The following WDR62 variants were observed in gnomAD, a reference collection of about 807,000 sequenced individuals.
WDR62 encodes the protein WD repeat-containing protein 62.
In WDR62, 112 loss-of-function variants were observed where a neutral mutation model predicts 160.6. The ratio of observed to expected loss-of-function variants is 0.70; its 90% CI spans 0.60 to 0.82. The LOEUF (loss-of-function observed/expected upper bound fraction) is 0.82, where lower values mean the gene tolerates loss of function less well. WDR62 is among the 40% of genes least tolerant of loss of function. The pLI, the probability that WDR62 is intolerant of heterozygous loss-of-function variation, is 0.00. For missense variants in WDR62, 1,819 were observed against 1,983.8 expected (o/e 0.92, Z 1.58); for synonymous variants, 792 against 815.1 (o/e 0.97, Z 0.48).
chr19:36,101,793 C>T lies in WDR62; in HGVS notation c.3082+19C>T, dbSNP rs755292612. 4 of 1,544,488 alleles carry T rather than the reference C, an allele frequency of 2.6e-6. No individual in the cohort carries two copies. The highest frequency in any genetic ancestry group is 2.4e-5 in the East Asian group (1 of 40,898). ...TTCCCAGGTAAGCAGGGGCCAGACACGCAGGGGACTCGCTGCTCGGGCCTG... is the reference window on the plus strand; with the variant it reads ...TTCCCAGGTAAGCAGGGGCCAGACATGCAGGGGACTCGCTGCTCGGGCCTG... On this transcript the variant is annotated intron_variant, in intron 25 of 31. Coordinates refer to ENST00000401500, the MANE Select transcript of WDR62 (RefSeq NM_001083961.2).
the WDR62 span, among the ~76,000 whole-genome samples, chr19:36,110,874 T>TC: frequency 6.6e-6 from 1 of 152,022 alleles, no homozygotes; most frequent in Admixed American, 6.6e-5. Flanking sequence ...TGGGAGACAG[T>TC]CCCCCTGGGG....
intron 22 of WDR62, 141 bp from the exon 23 acceptor site, chr19:36,100,607 A>G: frequency 1.6e-6 from 2 of 1,280,286 alleles, no homozygotes; most frequent in Admixed American, 1.7e-5. Flanking sequence ...GCAGACCAGG[A>G]CAAGCTGGTT....
chr19:36,101,437 T>A, intron 24 of WDR62, 120 bp downstream of exon 24: 1 of 975,040 alleles, frequency 1.0e-6, no homozygotes, highest in South Asian at 1.4e-5. Context: ...GGAAGACACA[T>A]GTGGTCCCTG....
chr19:36,068,755 C>A (rs567140835), intron 7 of WDR62, among the ~76,000 whole-genome samples: 2 of 152,352 alleles, frequency 1.3e-5, no homozygotes, highest in Non-Finnish European at 2.9e-5. Context: ...ATGTCTACTT[C>A]TTTCTACACA....
At chr19:36,095,518 G>A (rs1221402494) in intron 20 of WDR62, among the ~76,000 whole-genome samples, 1 of 152,228 alleles carries the variant, frequency 6.6e-6, no homozygotes, top group East Asian at 1.9e-4. Context: ...TTGAGGCCGG[G>A]TGTGGTAGCT....
In WDR62 at chr19:36,060,050, C is replaced by T. The variant is rs749964350; in HGVS notation, c.332+20C>T. The T allele has an allele frequency of 5.0e-6, 8 of 1,613,876 alleles. No individual in the cohort carries two copies. Among genetic ancestry groups the T allele is most frequent in the African/African-American group, 4.0e-5 (3 of 74,926 alleles). On this transcript the variant is annotated intron_variant, in intron 3 of 31. Transcript: ENST00000401500. ...CGCCAGGTAGGCTGAGGCCTGGGCC[C>T]GGGGCAGGGGTGGAACCAGGGGCTT...
rs1250064295 is a variant in WDR62, at chr19:36,067,407, G to T, written c.663G>T (p.Val221=). Residue 221 remains valine (V), a synonymous_variant, in exon 6 of 32, where the codon GTG becomes GTT. Coordinates refer to ENST00000401500, the MANE Select transcript of WDR62 (RefSeq NM_001083961.2). ...TTGTCACTGTTGGGAACCGCCATGT[G>T]AGGTTCTGGTTCTTGGAAGTCTCCA... ...SYFVTVGNRH[V]RFWFLEVSTE... The T allele has an allele frequency of 1.9e-6, 3 of 1,614,132 alleles. No individual in the cohort carries two copies. The African/African-American group carries it at 4.0e-5, about 22-fold the overall frequency.
chr19:36,094,375 G>A (rs2145809509), intron 20 of WDR62, among the ~76,000 whole-genome samples: 1 of 152,048 alleles, frequency 6.6e-6, no homozygotes, highest in East Asian at 1.9e-4. Context: ...CCAATATGGT[G>A]AAACCCCGTC....
rs546447420 is a variant in WDR62, at chr19:36,096,865, A to G, written c.2468-162A>G. ...CCTCGGTCAGTCTCGTGAGTCAAATATCGCATCCCACGGTTTAAGTTTGCA... is the reference window on the plus strand; with the variant it reads ...CCTCGGTCAGTCTCGTGAGTCAAATGTCGCATCCCACGGTTTAAGTTTGCA... On this transcript the variant is annotated intron_variant, in intron 20 of 31. Coordinates refer to ENST00000401500, the MANE Select transcript of WDR62 (RefSeq NM_001083961.2). Among the ~76,000 whole-genome samples the G allele has an allele frequency of 3.9e-5, 6 of 152,346 alleles. No individual in the cohort carries two copies. In the South Asian group the frequency reaches 1.2e-3, roughly 32 times the overall value.
rs762312696 is a variant in WDR62 at position 36,084,790 on chromosome 19, C to G, written c.1642+46C>G. On this transcript the variant is annotated intron_variant, in intron 12 of 31. Coordinates refer to ENST00000401500, the MANE Select transcript of WDR62 (RefSeq NM_001083961.2). Reference sequence around the variant, plus strand: ...GAATGGGGGTCAGGCAGGGAGGCAGCCCCCCTGGCAGGGCCACAGAAAGGG... The same window carrying G: ...GAATGGGGGTCAGGCAGGGAGGCAGGCCCCCTGGCAGGGCCACAGAAAGGG... 8 of 1,569,052 alleles carry G rather than the reference C, an allele frequency of 5.1e-6. No homozygotes were observed. The East Asian group carries it at 1.3e-4, about 26-fold the overall frequency.
intron 9 of WDR62, among the ~76,000 whole-genome samples, chr19:36,080,157 G>T (rs1286509762): frequency 6.6e-6 from 1 of 151,824 alleles, no homozygotes; most frequent in Non-Finnish European, 1.5e-5. Flanking sequence ...GCCCAGGCTG[G>T]AGTGCAGTGG....
At chr19:36,094,002 CT>C (rs781547948) in intron 19 of WDR62, 28 bp from the exon 20 acceptor site, 6 of 1,612,730 alleles carry the variant, frequency 3.7e-6, no homozygotes, top group Non-Finnish European at 5.1e-6. Context: ...CCTGTATTCT[CT>C]CCTTACCATC....
downstream of WDR62, among the ~76,000 whole-genome samples, chr19:36,107,322 C>G (rs1973733992): frequency 6.6e-6 from 1 of 152,196 alleles, no homozygotes; most frequent in African/African-American, 2.4e-5. Flanking sequence ...GCAGCCCTGA[C>G]TGAAGTGCCT....
chr19:36,077,656 G>T (rs1032714759), intron 9 of WDR62, among the ~76,000 whole-genome samples: 11 of 151,420 alleles, frequency 7.3e-5, no homozygotes, highest in Non-Finnish European at 1.3e-4. Context: ...GAATACAGAG[G>T]CACAATCTCG....
At chr19:36,088,583 G>A (rs1038322448) in intron 13 of WDR62, among the ~76,000 whole-genome samples, 2 of 152,212 alleles carry the variant, frequency 1.3e-5, no homozygotes, top group African/African-American at 2.4e-5. Context: ...GTTCATGCTT[G>A]TCCAGTGGGA....
chr19:36,073,532 G>A lies in WDR62; in HGVS notation c.1233+1G>A. 1.9e-6 allele frequency: 3 copies of A among 1,612,272 alleles called. No individual in the cohort carries two copies. The highest frequency in any genetic ancestry group is 1.7e-6 in the Non-Finnish European group (2 of 1,179,312). On this transcript the variant is annotated splice_donor_variant, in intron 9 of 31. Transcript: ENST00000401500. LOFTEE classifies it high-confidence loss of function. ...CAGCTCCTACGTTTGGAACGTGGAG[G>A]TGAGCCCCCCCCCCACCCCCTTGCC...
chr19:36,085,414 C>CTTTTTTTTTTTTTTTTTTTTTTT (rs35753706), intron 12 of WDR62, among the ~76,000 whole-genome samples: 5 of 70,400 alleles, frequency 7.1e-5, no homozygotes, highest in Admixed American at 2.2e-4. Context: ...CACACCTGAC[C>CTTTTTTTTTTTTTTTTTTTTTTT]TTTTTTTTTT....
intron 23 of WDR62, 23 bp from the exon 24 acceptor site, chr19:36,101,191 C>G (rs1485972793): frequency 1.3e-6 from 2 of 1,598,578 alleles, no homozygotes; most frequent in Non-Finnish European, 1.7e-6. Context: ...CTTGTTCCCT[C>G]TCTGCCCCCA....
intron 11 of WDR62, among the ~76,000 whole-genome samples, chr19:36,084,039 C>T (rs562080032): frequency 7.2e-5 from 11 of 152,060 alleles, no homozygotes; most frequent in Non-Finnish European, 4.4e-5. Context: ...TACCAAGAGC[C>T]AACATGGGGA....
Sources: allele counts gnomAD v4.1 joint callset (sites outside exome capture counted in the v4.1 genomes callset), GRCh38; gene constraint gnomAD v4.1.1; transcripts MANE v1.5; gene names NCBI Gene and HGNC (gene_info 2026-07-23, HGNC 2026-07-21).